CSNK2A2IP: variants seen among roughly 807,000 people sequenced by gnomAD.
CSNK2A2IP encodes the protein casein kinase 2 subunit alpha' interacting protein.
chr3:88,353,874 T>C, the CSNK2A2IP span, among the ~76,000 whole-genome samples: 1 of 152,180 alleles, frequency 6.6e-6, no homozygotes, highest in Non-Finnish European at 1.5e-5. Flanking sequence ...GCCTGTGATA[T>C]AGTTTGGATA....
chr3:88,425,540 T>A, the CSNK2A2IP span, among the ~76,000 whole-genome samples: 1 of 152,162 alleles, frequency 6.6e-6, no homozygotes, highest in Non-Finnish European at 1.5e-5. Context: ...TCTTGTCAAT[T>A]GTATAACTAA....
the CSNK2A2IP span, among the ~76,000 whole-genome samples, chr3:88,351,588 T>A: frequency 6.6e-6 from 1 of 152,110 alleles, no homozygotes; most frequent in African/African-American, 2.4e-5. Flanking sequence ...TTTACAAGAA[T>A]GATATCACAC....
At chr3:88,461,000 T>C in the CSNK2A2IP span, among the ~76,000 whole-genome samples, 1 of 151,806 alleles carries the variant, frequency 6.6e-6, no homozygotes, top group African/African-American at 2.4e-5. Flanking sequence ...GGCAGGAGAA[T>C]TGCTGGAACC....
At chr3:88,452,151 C>G in the CSNK2A2IP span, among the ~76,000 whole-genome samples, 2 of 151,098 alleles carry the variant, frequency 1.3e-5, no homozygotes, top group Non-Finnish European at 2.9e-5. Context: ...AATCTCCAAT[C>G]TTTCTCATAT....
chr3:88,349,101 A>T, the CSNK2A2IP span, among the ~76,000 whole-genome samples: 1 of 151,956 alleles, frequency 6.6e-6, no homozygotes, highest in African/African-American at 2.4e-5. Flanking sequence ...TTTGCAGTTC[A>T]TTGCCAATCT....
the CSNK2A2IP span, among the ~76,000 whole-genome samples, chr3:88,429,308 A>C: frequency 2.0e-5 from 3 of 152,216 alleles, no homozygotes; most frequent in South Asian, 6.2e-4. Context: ...CTTTCCCAGA[A>C]ATGAGTTTTC....
chr3:88,420,071 G>C, the CSNK2A2IP span, among the ~76,000 whole-genome samples: 1 of 152,124 alleles, frequency 6.6e-6, no homozygotes, highest in East Asian at 1.9e-4. Context: ...TGATTTTATT[G>C]GTCTGAGATA....
At chr3:88,370,137 T>C in the CSNK2A2IP span, among the ~76,000 whole-genome samples, 1 of 151,788 alleles carries the variant, frequency 6.6e-6, no homozygotes, top group African/African-American at 2.4e-5. Flanking sequence ...AGAGCCACTA[T>C]AACACACCAG....
chr3:88,433,698 T>C, the CSNK2A2IP span, among the ~76,000 whole-genome samples: 1 of 152,166 alleles, frequency 6.6e-6, no homozygotes, highest in Non-Finnish European at 1.5e-5. Context: ...GCAGCTAGCA[T>C]CACAGTGAAA....
At chr3:88,417,333 A>C in the CSNK2A2IP span, among the ~76,000 whole-genome samples, 1 of 152,280 alleles carries the variant, frequency 6.6e-6, no homozygotes, top group African/African-American at 2.4e-5. Context: ...TGGATCCAAC[A>C]GAAGGTCGCC....
chr3:88,461,087 C>CA, the CSNK2A2IP span, among the ~76,000 whole-genome samples: 1,417 of 149,454 alleles, frequency 9.5e-3, 18 homozygotes, highest in African/African-American at 0.032. Flanking sequence ...AACTCCGTCT[C>CA]AAAAAAAAAA....
the CSNK2A2IP span, among the ~76,000 whole-genome samples, chr3:88,370,598 T>C: frequency 1.1e-3 from 141 of 128,902 alleles, no homozygotes; most frequent in African/African-American, 3.8e-3. Context: ...CTTTCTTTCT[T>C]TCTCTCTCTC....
At chr3:88,434,561 C>T in the CSNK2A2IP span, among the ~76,000 whole-genome samples, 1 of 152,074 alleles carries the variant, frequency 6.6e-6, no homozygotes, top group Non-Finnish European at 1.5e-5. Flanking sequence ...TCCTAGGCCT[C>T]GACCAAGCAT....
chr3:88,457,005 C>T, the CSNK2A2IP span, among the ~76,000 whole-genome samples: 439 of 152,160 alleles, frequency 2.9e-3, 2 homozygotes, highest in African/African-American at 9.5e-3. Context: ...AAACATCTAA[C>T]GTACCAGGGT....
the CSNK2A2IP span, among the ~76,000 whole-genome samples, chr3:88,438,838 A>G: frequency 6.6e-6 from 1 of 152,144 alleles, no homozygotes; most frequent in Admixed American, 6.5e-5. Flanking sequence ...TTTAATTATT[A>G]AGAGTGTTGG....
At chr3:88,357,130 C>T in the CSNK2A2IP span, among the ~76,000 whole-genome samples, 2 of 151,906 alleles carry the variant, frequency 1.3e-5, no homozygotes, top group African/African-American at 2.4e-5. Flanking sequence ...ATCTCATTAT[C>T]TATTTTTTCT....
At chr3:88,355,303 GT>G in the CSNK2A2IP span, among the ~76,000 whole-genome samples, 13 of 152,080 alleles carry the variant, frequency 8.5e-5, no homozygotes, top group African/African-American at 3.1e-4. Flanking sequence ...AATGAAGAAA[GT>G]TTTTTTGTTT....
the CSNK2A2IP span, among the ~76,000 whole-genome samples, chr3:88,447,363 G>A: frequency 6.6e-6 from 1 of 152,006 alleles, no homozygotes; most frequent in African/African-American, 2.4e-5. Context: ...ATTACTGATG[G>A]GAATATTTGG....
chr3:88,409,736 T>C, the CSNK2A2IP span, among the ~76,000 whole-genome samples: 1 of 151,978 alleles, frequency 6.6e-6, no homozygotes, highest in African/African-American at 2.4e-5. Context: ...TATTTTGTTT[T>C]CTTCAGATTC....
Sources: gnomAD v4.1 joint callset for allele counts (sites outside exome capture counted in the v4.1 genomes callset) on GRCh38, gnomAD v4.1.1 for gene constraint, MANE v1.5 for transcripts, NCBI Gene and HGNC (gene_info 2026-07-23, HGNC 2026-07-21) for gene names.